SLC2A13: variants seen among roughly 807,000 people sequenced by gnomAD.
SLC2A13 encodes the protein proton myo-inositol cotransporter.
A neutral mutation model predicts 64.4 loss-of-function variants in SLC2A13; 32 were observed. The observed-to-expected ratio is 0.50, with a 90% CI of 0.37 to 0.67. The LOEUF is 0.67. Among genes scored for constraint, SLC2A13 ranks in the 30% least tolerant of loss-of-function variants. The probability of loss-of-function intolerance (pLI) is 0.00; values close to 1 mark genes in which losing one functional copy is unlikely to be tolerated. For missense variants in SLC2A13, 743 were observed against 829.2 expected, an observed-to-expected ratio of 0.90 and a Z score of 1.28; for synonymous variants, 338 against 327.1, an observed-to-expected ratio of 1.03 and a Z score of -0.36.
chr12:39,972,022 T>TTTTTATATA (rs1555144676), intron 3 of SLC2A13, among the ~76,000 whole-genome samples: 133 of 92,380 alleles, frequency 1.4e-3, no homozygotes, highest in African/African-American at 5.2e-3. Flanking sequence ...ATATTTTTTT[T>TTTTTATATA]TATATAAATA....
intron 7 of SLC2A13, among the ~76,000 whole-genome samples, chr12:39,779,058 C>G (rs1352139547): frequency 6.6e-6 from 1 of 152,168 alleles, no homozygotes; most frequent in Non-Finnish European, 1.5e-5. Flanking sequence ...CACTTTCCCC[C>G]AGGAAGAGTC....
chr12:39,781,194 T>G (rs916744414), intron 7 of SLC2A13, among the ~76,000 whole-genome samples: 7 of 152,216 alleles, frequency 4.6e-5, no homozygotes, highest in African/African-American at 1.7e-4. Context: ...TCTATCTCAA[T>G]CCTTCCAAAT....
chr12:39,995,604 G>A (rs999945748), intron 3 of SLC2A13, among the ~76,000 whole-genome samples: 1 of 152,198 alleles, frequency 6.6e-6, no homozygotes, highest in Admixed American at 6.5e-5. Flanking sequence ...GCATACAAAT[G>A]CACTATCTCA....
chr12:39,863,742 T>A (rs1320878635), intron 6 of SLC2A13, among the ~76,000 whole-genome samples: 1 of 152,128 alleles, frequency 6.6e-6, no homozygotes, highest in African/African-American at 2.4e-5. Context: ...ATAAAAGTCG[T>A]GCTATGATGC....
At chr12:40,031,222 A>T (rs117295538) in intron 2 of SLC2A13, among the ~76,000 whole-genome samples, 4,354 of 151,942 alleles carry the variant, frequency 0.029, 182 homozygotes, top group Admixed American at 0.11. Flanking sequence ...ACACCATTTT[A>T]TTTATTTATT....
At chr12:39,779,034 A>G (rs1262303418) in intron 7 of SLC2A13, among the ~76,000 whole-genome samples, 1 of 152,210 alleles carries the variant, frequency 6.6e-6, no homozygotes, top group African/African-American at 2.4e-5. Flanking sequence ...CTTTGTGACA[A>G]CTAGAATATG....
intron 4 of SLC2A13, among the ~76,000 whole-genome samples, chr12:39,917,727 C>G (rs1202036921): frequency 6.6e-6 from 1 of 152,018 alleles, no homozygotes; most frequent in African/African-American, 2.4e-5. Context: ...TCCTGGGTTT[C>G]CTGCTTTCAG....
At chr12:39,774,600 T>G (rs1940705311) in intron 7 of SLC2A13, among the ~76,000 whole-genome samples, 1 of 129,686 alleles carries the variant, frequency 7.7e-6, no homozygotes, top group Non-Finnish European at 1.7e-5. Context: ...TTTTTTTTTT[T>G]GGTTTTGTAA....
At chr12:39,822,610 A>C (rs1407608841) in intron 7 of SLC2A13, among the ~76,000 whole-genome samples, 1 of 152,178 alleles carries the variant, frequency 6.6e-6, no homozygotes, top group Non-Finnish European at 1.5e-5. Context: ...AAGGTTCACC[A>C]CCATTATCTT....
chr12:40,099,428 T>C (rs1939073695), intron 1 of SLC2A13, among the ~76,000 whole-genome samples: 1 of 152,230 alleles, frequency 6.6e-6, no homozygotes, highest in Non-Finnish European at 1.5e-5. Context: ...CAACGACTGC[T>C]TGCTATTTCA....
chr12:39,891,712 A>G (rs548264550), intron 4 of SLC2A13, among the ~76,000 whole-genome samples: 1 of 152,298 alleles, frequency 6.6e-6, no homozygotes. Flanking sequence ...GAAGTTATGA[A>G]CATGCCTTAG....
intron 3 of SLC2A13, among the ~76,000 whole-genome samples, chr12:39,971,805 T>C (rs927134456): frequency 2.0e-5 from 3 of 151,526 alleles, no homozygotes; most frequent in Non-Finnish European, 4.4e-5. Context: ...CAAAACCCTG[T>C]CTCTATTAAA....
Position 39,895,770 on chromosome 12 carries a change from GTATATGCGTGTATACGTACACAC to G in SLC2A13, c.1035-23832_1035-23810del. On this transcript the variant is annotated intron_variant, in intron 4 of 9. Coordinates refer to ENST00000280871, the MANE Select transcript of SLC2A13 (RefSeq NM_052885.4). ...TATATGCGTGTATACGTACACACAT[GTATATGCGTGTATACGTACACAC>G]ATGTATATGCGTGTATACGTACACA... Among the ~76,000 whole-genome samples, 2 of 56,834 alleles carry G rather than the reference GTATATGCGTGTATACGTACACAC, an allele frequency of 3.5e-5. 1 individual carries two copies. Among genetic ancestry groups the G allele is most frequent in the East Asian group, 9.9e-4 (2 of 2,020 alleles). The allele number at this position is 56,834 out of a possible 152,430, so 37.3% of individuals were successfully genotyped here. A position where few individuals can be genotyped will look rare whatever the true frequency, so the allele number is the denominator to read the frequency against.
intron 7 of SLC2A13, among the ~76,000 whole-genome samples, chr12:39,800,715 A>C (rs540997844): frequency 8.6e-4 from 7 of 8,146 alleles, no homozygotes; most frequent in African/African-American, 1.6e-3. Context: ...AGAACTAGAA[A>C]TACCATTTGA....
intron 1 of SLC2A13, among the ~76,000 whole-genome samples, chr12:40,090,915 T>C (rs538645342): frequency 1.4e-4 from 22 of 152,352 alleles, no homozygotes; most frequent in African/African-American, 5.3e-4. Context: ...GGTAAAGATG[T>C]GCACATGCAG....
At chr12:40,039,828 A>C (rs1433338359) in intron 2 of SLC2A13, among the ~76,000 whole-genome samples, 1 of 152,234 alleles carries the variant, frequency 6.6e-6, no homozygotes, top group Non-Finnish European at 1.5e-5. Context: ...TATCACCTAC[A>C]GTCCAAAGTT....
intron 7 of SLC2A13, among the ~76,000 whole-genome samples, chr12:39,778,492 G>A (rs1237704101): frequency 6.6e-6 from 1 of 152,054 alleles, no homozygotes; most frequent in Admixed American, 6.5e-5. Context: ...TCATGTGAGG[G>A]CCACTCATAA....
At chr12:39,796,440 A>G (rs1438449075) in intron 7 of SLC2A13, among the ~76,000 whole-genome samples, 1 of 151,828 alleles carries the variant, frequency 6.6e-6, no homozygotes, top group East Asian at 1.9e-4. Flanking sequence ...AAAAAAAAAA[A>G]AAACCTAAAC....
At chr12:39,868,649 G>A (rs540295150) in intron 5 of SLC2A13, among the ~76,000 whole-genome samples, 1 of 152,182 alleles carries the variant, frequency 6.6e-6, no homozygotes, top group East Asian at 1.9e-4. Flanking sequence ...ATACATGAGG[G>A]GGGAAAAACA....
Sources: gnomAD v4.1 joint callset for allele counts (sites outside exome capture counted in the v4.1 genomes callset) on GRCh38, gnomAD v4.1.1 for gene constraint, MANE v1.5 for transcripts, NCBI Gene and HGNC (gene_info 2026-07-23, HGNC 2026-07-21) for gene names.